Variants in ELSPBP1 observed in about 807,000 individuals in gnomAD.
ELSPBP1 encodes the protein epididymal sperm binding protein 1, also known as epididymal sperm-binding protein 1.
In ELSPBP1, 38 loss-of-function variants were observed where a neutral mutation model predicts 33.3. The ratio of observed to expected loss-of-function variants is 1.14; its 90% CI spans 0.88 to 1.50. ELSPBP1 has a LOEUF of 1.50. Ranked by LOEUF, ELSPBP1 falls within the 40% of genes most tolerant of loss-of-function variation. The probability of loss-of-function intolerance (pLI) is 0.00; values close to 1 mark genes in which losing one functional copy is unlikely to be tolerated. For missense variants in ELSPBP1, 267 were observed against 263.5 expected (o/e 1.01, Z -0.09); for synonymous variants, 85 against 94.1 (o/e 0.90, Z 0.56).
intron 1 of ELSPBP1, among the ~76,000 whole-genome samples, chr19:48,007,554 T>C (rs188284905): frequency 6.6e-6 from 1 of 152,126 alleles, no homozygotes; most frequent in African/African-American, 2.4e-5. Context: ...TTCCAAACTG[T>C]GGGTTCTTGT....
At chr19:48,021,144 T>C (rs1486388078) in intron 5 of ELSPBP1, among the ~76,000 whole-genome samples, 4 of 152,200 alleles carry the variant, frequency 2.6e-5, no homozygotes, top group African/African-American at 9.7e-5. Flanking sequence ...ATGTGCCTAC[T>C]CGCTAAACTT....
At chr19:48,022,421 A>G (rs1967211898) in intron 6 of ELSPBP1, 87 bp downstream of exon 6, 4 of 1,241,662 alleles carry the variant, frequency 3.2e-6, no homozygotes, top group Non-Finnish European at 4.4e-6. Context: ...CGAAGGCGAG[A>G]TCTGCTTTTT....
chr19:48,017,479 A>T (rs1967154519), intron 4 of ELSPBP1, among the ~76,000 whole-genome samples: 1 of 152,202 alleles, frequency 6.6e-6, no homozygotes, highest in South Asian at 2.1e-4. Context: ...AAATTGTATC[A>T]TTAATACATA....
chr19:47,995,286 G>A (rs1343297560), intron 1 of ELSPBP1, among the ~76,000 whole-genome samples: 1 of 152,186 alleles, frequency 6.6e-6, no homozygotes, highest in African/African-American at 2.4e-5. Flanking sequence ...AAAGAAATGG[G>A]TTAAACCAGA....
intron 2 of ELSPBP1, 96 bp from the exon 3 acceptor site, chr19:48,014,075 G>A (rs868345975): frequency 3.7e-5 from 52 of 1,415,808 alleles, no homozygotes; most frequent in South Asian, 7.8e-5. Context: ...GAGGGAACAC[G>A]GACATTCATA....
At chr19:48,023,674 G>A (rs1897861398) in intron 6 of ELSPBP1, among the ~76,000 whole-genome samples, 1 of 152,012 alleles carries the variant, frequency 6.6e-6, no homozygotes, top group South Asian at 2.1e-4. Flanking sequence ...AGACACCATG[G>A]TGTGCATCCA....
rs544837557 is a variant in ELSPBP1 at position 48,020,838 on chromosome 19, C to A, written c.514+961C>A. ...GACCCAGTGGAAAGGAAAGGGAAGT[C>A]CTTGGGCAAAGAGGAACTAGAAGGA... On this transcript the variant is annotated intron_variant, in intron 5 of 6. Transcript: ENST00000339841. 3.3e-5 allele frequency among the ~76,000 whole-genome samples: 5 copies of A among 152,292 alleles called. No individual in the cohort carries two copies. The South Asian group carries it at 1.0e-3, about 32-fold the overall frequency.
intron 2 of ELSPBP1, among the ~76,000 whole-genome samples, chr19:48,010,443 AT>A (rs755875755): frequency 1.4e-4 from 21 of 152,322 alleles, no homozygotes; most frequent in Non-Finnish European, 2.4e-4. Context: ...AGTTCCAGAC[AT>A]TGTGTTATGG....
intron 1 of ELSPBP1, among the ~76,000 whole-genome samples, chr19:48,005,886 C>T (rs941095436): frequency 4.6e-5 from 7 of 152,166 alleles, no homozygotes; most frequent in East Asian, 1.9e-4. Flanking sequence ...GTACCTACCA[C>T]GTTGGGCTAC....
At chr19:48,024,329 A>G (rs566910969) in intron 6 of ELSPBP1, among the ~76,000 whole-genome samples, 1 of 152,140 alleles carries the variant, frequency 6.6e-6, no homozygotes, top group African/African-American at 2.4e-5. Flanking sequence ...TGGTCTCTAA[A>G]TCTCCCGCAT....
Position 48,019,782 on chromosome 19 carries a change from T to G in ELSPBP1, c.419T>G (p.Val140Gly). The G allele has an allele frequency of 6.2e-7, 1 of 1,614,056 alleles. No individual in the cohort carries two copies. Among genetic ancestry groups the G allele is most frequent in the Non-Finnish European group, 8.5e-7 (1 of 1,179,992 alleles). The stretch of plus-strand genomic sequence containing the variant: ...CCCTCCATCTACAGAAATAATGTGG[T>G]CTCTGATTGCATGGAGGATGAAAGC... Reference protein sequence around the residue: ...IFPSIYRNNVVSDCMEDESNK... With the variant: ...IFPSIYRNNVGSDCMEDESNK... The change falls in exon 5 of 7, where the codon GTC becomes GGC. Residue 140 changes from valine to glycine, a missense_variant. Transcript: ENST00000339841.
At position 47,999,419 on chromosome 19, in the gene ELSPBP1, C is replaced by T. The variant is rs144357137; in HGVS notation, c.-18+4608C>T. On this transcript the variant is annotated intron_variant, in intron 1 of 6. Coordinates refer to ENST00000339841, the MANE Select transcript of ELSPBP1 (RefSeq NM_022142.5). ...TTTTTTTTTTTTTGAGAAAGAGTCT[C>T]GCTCTGCCACCCAGGCTGGAATGCA... is the stretch of plus-strand genomic sequence containing the variant. Among the ~76,000 whole-genome samples, 38 of 141,232 alleles carry T rather than the reference C, an allele frequency of 2.7e-4. No individual in the cohort carries two copies. The East Asian group carries it at 5.6e-3, about 21-fold the overall frequency. The allele number at this position is 141,232 out of a possible 152,430, so 92.7% of individuals were successfully genotyped here. A position where few individuals can be genotyped will look rare whatever the true frequency, so the allele number is the denominator to read the frequency against.
intron 1 of ELSPBP1, among the ~76,000 whole-genome samples, chr19:48,006,024 G>C (rs760842730): frequency 1.1e-4 from 17 of 152,080 alleles, no homozygotes; most frequent in Non-Finnish European, 2.4e-4. Flanking sequence ...GCAGTGGTGC[G>C]ATCATAGTGC....
At chr19:48,005,956 T>C (rs2122299787) in intron 1 of ELSPBP1, among the ~76,000 whole-genome samples, 1 of 152,194 alleles carries the variant, frequency 6.6e-6, no homozygotes, top group East Asian at 1.9e-4. Context: ...GTTTTATCTG[T>C]TTTTTGTTTT....
intron 4 of ELSPBP1, among the ~76,000 whole-genome samples, chr19:48,016,519 TCTTTCTTTCTTCCTTC>T (rs1412088814): frequency 1.4e-3 from 86 of 62,162 alleles, no homozygotes; most frequent in Non-Finnish European, 1.7e-3. Flanking sequence ...TTTCTTTCTT[TCTTTCTTTCTTCCTTC>T]CTTCCTTCCT....
chr19:47,998,292 AT>A (rs1297958890), intron 1 of ELSPBP1, among the ~76,000 whole-genome samples: 1 of 151,946 alleles, frequency 6.6e-6, no homozygotes, highest in African/African-American at 2.4e-5. Flanking sequence ...GGCGCCTGTA[AT>A]ACCAGCTACT....
chr19:48,007,696 T>C (rs16982097), intron 1 of ELSPBP1, among the ~76,000 whole-genome samples: 36,801 of 151,948 alleles, frequency 0.24, 7,457 homozygotes, highest in African/African-American at 0.56. Flanking sequence ...GCTAAGGAGA[T>C]GAGTGTGATT....
intron 3 of ELSPBP1, among the ~76,000 whole-genome samples, chr19:48,014,997 C>A (rs910088445): frequency 2.6e-5 from 4 of 152,142 alleles, no homozygotes; most frequent in Admixed American, 1.3e-4. Flanking sequence ...GTGGCTCATG[C>A]CTGTAATCCC....
chr19:47,995,998 T>C (rs1966908808), intron 1 of ELSPBP1, among the ~76,000 whole-genome samples: 1 of 152,240 alleles, frequency 6.6e-6, no homozygotes, highest in South Asian at 2.1e-4. Flanking sequence ...ACCAGTTGTA[T>C]CTGCCATTAT....
Sources: gnomAD v4.1 joint callset for allele counts (sites outside exome capture counted in the v4.1 genomes callset) on GRCh38, gnomAD v4.1.1 for gene constraint, MANE v1.5 for transcripts, NCBI Gene and HGNC (gene_info 2026-07-23, HGNC 2026-07-21) for gene names.